SPATA7: variants seen among roughly 807,000 people sequenced by gnomAD.
SPATA7 encodes the protein spermatogenesis associated 7.
In SPATA7, 43 loss-of-function variants were observed where a neutral mutation model predicts 51.8. The ratio of observed to expected loss-of-function variants is 0.83; its 90% confidence interval spans 0.65 to 1.07. The LOEUF is 1.07. Among genes scored for constraint, SPATA7 ranks in the 50% least tolerant of loss-of-function variants. The pLI is 0.00. For missense variants in SPATA7, 683 were observed against 701.3 expected (o/e 0.97, Z 0.30); for synonymous variants, 230 against 252.8 (o/e 0.91, Z 0.86).
chr14:88,424,825 G>A (rs2076743427), intron 5 of SPATA7, among the ~76,000 whole-genome samples: 1 of 152,114 alleles, frequency 6.6e-6, no homozygotes, highest in Non-Finnish European at 1.5e-5. Flanking sequence ...TTGGAATAAG[G>A]TTATAAAACA....
chr14:88,433,500 C>T (rs2076994003), intron 10 of SPATA7, among the ~76,000 whole-genome samples: 1 of 152,086 alleles, frequency 6.6e-6, no homozygotes, highest in South Asian at 2.1e-4. Flanking sequence ...ATCTTTATCA[C>T]TTATTTGCAA....
downstream of SPATA7, among the ~76,000 whole-genome samples, chr14:88,442,972 C>T (rs1477007494): frequency 5.6e-5 from 8 of 142,130 alleles, no homozygotes; most frequent in South Asian, 2.2e-4. Flanking sequence ...GATAGAGTCT[C>T]GCTCTGTCAC....
intron 4 of SPATA7, among the ~76,000 whole-genome samples, chr14:88,461,452 C>G (rs1435350474): frequency 6.6e-6 from 1 of 152,154 alleles, no homozygotes; most frequent in Non-Finnish European, 1.5e-5. Flanking sequence ...GCAGATAGAT[C>G]TCAGACCGCT....
intron 4 of SPATA7, among the ~76,000 whole-genome samples, chr14:88,410,264 T>A (rs911536766): frequency 6.6e-6 from 1 of 152,240 alleles, no homozygotes; most frequent in Admixed American, 6.5e-5. Flanking sequence ...TTTATGAACC[T>A]GGGTGCTCCT....
chr14:88,446,833 A>G (rs1054612403), intron 3 of SPATA7, among the ~76,000 whole-genome samples: 4 of 151,792 alleles, frequency 2.6e-5, no homozygotes, highest in African/African-American at 4.8e-5. Context: ...GTTTGATTGC[A>G]CTGTGGTCTG....
rs1595290282 is a variant in SPATA7 at position 88,433,198 on chromosome 14, T to C, written c.1146T>C (p.Gly382=). 6.2e-7 allele frequency: 1 copy of C among 1,609,102 alleles called. No individual in the cohort carries two copies. The change falls in exon 10 of 12, where the codon GGT becomes GGC. Residue 382 remains glycine, a synonymous_variant. Coordinates refer to ENST00000393545, the MANE Select transcript of SPATA7 (RefSeq NM_018418.5). ...EDVTDEILKL[G]LFSNRFLERL... ...TAACAGATGAAATTTTGAAACTTGGTTTATTTTCAAACAGGTTAGTTTTTT... is the reference window on the plus strand; with the variant it reads ...TAACAGATGAAATTTTGAAACTTGGCTTATTTTCAAACAGGTTAGTTTTTT...
intron 3 of SPATA7, 33 bp downstream of exon 3, chr14:88,393,521 C>G: frequency 7.0e-7 from 1 of 1,422,082 alleles, no homozygotes; most frequent in Non-Finnish European, 9.8e-7. Flanking sequence ...TCTCTGTACT[C>G]AATTTAAACC....
intron 4 of SPATA7, chr14:88,415,941 G>C (rs2076463390): frequency 6.6e-6 from 1 of 152,310 alleles, no homozygotes. Context: ...CCTTGTGATA[G>C]TGAGTGGGTT....
In SPATA7 at chr14:88,437,599, T is replaced by C. The variant is rs761334593; in HGVS notation, c.1215+2T>C. On this transcript the variant is annotated splice_donor_variant, in intron 11 of 11. Coordinates refer to ENST00000393545, the MANE Select transcript of SPATA7 (RefSeq NM_018418.5). LOFTEE classifies it high-confidence loss of function. Reference sequence around the variant, plus strand: ...AAACAAAATAAACATTTGGAGGAGGTTTGTCTTTCCTTATAACTTCATTAG... The same window carrying C: ...AAACAAAATAAACATTTGGAGGAGGCTTGTCTTTCCTTATAACTTCATTAG... 3.7e-6 allele frequency: 6 copies of C among 1,605,648 alleles called. No homozygotes were observed. The highest frequency in any genetic ancestry group is 5.1e-6 in the Non-Finnish European group (6 of 1,173,804).
At chr14:88,418,452 T>G (rs977194089) in intron 5 of SPATA7, among the ~76,000 whole-genome samples, 1 of 151,928 alleles carries the variant, frequency 6.6e-6, no homozygotes, top group African/African-American at 2.4e-5. Context: ...CGAAGTATTT[T>G]ACAATTTTCT....
At position 88,426,215 on chromosome 14, in the gene SPATA7, A is replaced by G. The variant is rs2076786958; in HGVS notation, c.373-17A>G. ...ATTCGTAATGCAGTTGATGACTGTC[A>G]TATCGAATGTTCTTAGCCCTCAGGC... On this transcript the variant is annotated splice_polypyrimidine_tract_variant and intron_variant, in intron 5 of 11. Transcript: ENST00000393545. 2.5e-6 allele frequency: 4 copies of G among 1,572,772 alleles called. No homozygotes were observed. Among genetic ancestry groups the G allele is most frequent in the Admixed American group, 1.7e-5 (1 of 59,640 alleles).
rs151154007 is a variant in SPATA7, at chr14:88,431,210, G to A, written c.1067G>A (p.Arg356His). The A allele has an allele frequency of 2.8e-5, 45 of 1,613,314 alleles. No individual in the cohort carries two copies. The African/African-American group carries it at 3.3e-4, about 12-fold the overall frequency. The change falls in exon 9 of 12, where the codon CGT (arginine) becomes CAT (histidine). Residue 356 changes from arginine (R) to histidine (H), a missense_variant. By Grantham distance (29) the Arg-to-His change is conservative. Coordinates refer to ENST00000393545, the MANE Select transcript of SPATA7 (RefSeq NM_018418.5). Reference sequence around the variant, plus strand: ...TATTCCCTGAAGCCCCCTTCAACTCGTAAAATCTACTCTGAGTAAGATCTT... The same window carrying A: ...TATTCCCTGAAGCCCCCTTCAACTCATAAAATCTACTCTGAGTAAGATCTT... ...CQYSLKPPST[R>H]KIYSDEEELL...
chr14:88,459,986 C>G (rs544226735), downstream of SPATA7, among the ~76,000 whole-genome samples: 1 of 152,276 alleles, frequency 6.6e-6, no homozygotes, highest in South Asian at 2.1e-4. Context: ...CTTAATTTGG[C>G]TGGATATGAA....
At chr14:88,429,501 T>A in intron 8 of SPATA7, 38 bp downstream of exon 8, 1 of 1,320,150 alleles carries the variant, frequency 7.6e-7, no homozygotes, top group Non-Finnish European at 1.1e-6. Context: ...CAACTGTCTT[T>A]AATTGCCTTC....
At chr14:88,446,659 G>A (rs917688766) in intron 3 of SPATA7, among the ~76,000 whole-genome samples, 111 of 152,134 alleles carry the variant, frequency 7.3e-4, no homozygotes, top group African/African-American at 2.4e-3. Flanking sequence ...CTTTGGATGC[G>A]TCCCAGAGAT....
chr14:88,464,541 G>A (rs1320195231), intron 4 of SPATA7, among the ~76,000 whole-genome samples: 2 of 151,974 alleles, frequency 1.3e-5, no homozygotes, highest in African/African-American at 4.8e-5. Context: ...GACCAGCCTG[G>A]CCAACATGGT....
chr14:88,456,538 G>A (rs1339749389), downstream of SPATA7, among the ~76,000 whole-genome samples: 2 of 152,090 alleles, frequency 1.3e-5, no homozygotes, highest in Non-Finnish European at 2.9e-5. Flanking sequence ...AGAAGTGTCT[G>A]TTCATATCCT....
intron 6 of SPATA7, among the ~76,000 whole-genome samples, chr14:88,427,339 TG>T (rs2076822147): frequency 6.6e-6 from 1 of 152,232 alleles, no homozygotes; most frequent in Admixed American, 6.5e-5. Flanking sequence ...TGATTGTGAT[TG>T]TTTTTCTAGT....
intron 5 of SPATA7, 39 bp downstream of exon 5, chr14:88,416,883 T>C (rs1028923377): frequency 1.3e-6 from 2 of 1,536,964 alleles, no homozygotes; most frequent in East Asian, 2.3e-5. Flanking sequence ...CAAATGTTTC[T>C]AAGGTACTTC....
Sources: allele counts gnomAD v4.1 joint callset (sites outside exome capture counted in the v4.1 genomes callset), GRCh38; gene constraint gnomAD v4.1.1; transcripts MANE v1.5; gene names NCBI Gene and HGNC (gene_info 2026-07-23, HGNC 2026-07-21).